Variants in TPM3 observed in about 807,000 individuals in gnomAD.
TPM3 encodes tropomyosin 3.
A neutral mutation model predicts 43.1 loss-of-function variants in TPM3; 16 were observed. The observed-to-expected ratio is 0.37, with a 90% CI of 0.25 to 0.56. TPM3 has a LOEUF of 0.56. Ranked by LOEUF, TPM3 falls within the 20% of genes least tolerant of loss-of-function variation. TPM3 has a pLI of 0.77. For missense variants in TPM3, 176 were observed against 337.2 expected, an observed-to-expected ratio of 0.52 and a Z score of 3.74; for synonymous variants, 101 against 116.9, an observed-to-expected ratio of 0.86 and a Z score of 0.88.
chr1:154,155,926 C>G (rs1321298895), downstream of TPM3: 1 of 196,144 alleles, frequency 5.1e-6, no homozygotes, highest in Non-Finnish European at 1.1e-5. Flanking sequence ...AACATTTGCT[C>G]TATATTAAAT....
At chr1:154,190,204 A>G (rs919674898) in intron 2 of TPM3, among the ~76,000 whole-genome samples, 3 of 152,204 alleles carry the variant, frequency 2.0e-5, no homozygotes, top group African/African-American at 2.4e-5. Flanking sequence ...GGCCTTCCAA[A>G]GTGCTGGGAT....
chr1:154,183,389 G>GGGGGGCCCA (rs1663206288), intron 2 of TPM3: 1 of 1,207,900 alleles, frequency 8.3e-7, no homozygotes, highest in Non-Finnish European at 1.1e-6. Context: ...ACTGGGACGG[G>GGGGGGCCCA]GTTGGGACGA....
chr1:154,172,341 G>A (rs755069093), intron 5 of TPM3: 8 of 685,496 alleles, frequency 1.2e-5, no homozygotes, highest in South Asian at 6.0e-5. Context: ...AGGTACCGAC[G>A]GGAGAGCAGT....
At chr1:154,174,058 C>A (rs551723488) in intron 3 of TPM3, among the ~76,000 whole-genome samples, 4 of 151,734 alleles carry the variant, frequency 2.6e-5, no homozygotes, top group Non-Finnish European at 4.4e-5. Flanking sequence ...TACAGCTGGG[C>A]GTGGTGGCTC....
chr1:154,174,405 T>TATATATATAC (rs1553249385), intron 3 of TPM3, among the ~76,000 whole-genome samples: 12 of 89,524 alleles, frequency 1.3e-4, no homozygotes, highest in Admixed American at 3.6e-4. Context: ...TATATATATA[T>TATATATATAC]ATACACACAA....
downstream of TPM3, among the ~76,000 whole-genome samples, chr1:154,159,991 C>CTTTT (rs60242183): frequency 3.9e-5 from 5 of 129,866 alleles, no homozygotes; most frequent in Admixed American, 7.8e-5. Context: ...AAGTTATTTC[C>CTTTT]TTTTTTTTTT....
chr1:154,191,865 T>C, intron 1 of TPM3, 37 bp downstream of exon 1: 3 of 1,600,776 alleles, frequency 1.9e-6, no homozygotes, highest in Non-Finnish European at 2.6e-6. Flanking sequence ...ACAGTCTTGT[T>C]CACTAGCAGA....
intron 2 of TPM3, 124 bp from the exon 3 acceptor site, chr1:154,176,372 C>T: frequency 7.3e-7 from 1 of 1,361,854 alleles, no homozygotes; most frequent in Non-Finnish European, 1.0e-6. Context: ...TAGAACTTGT[C>T]TTAGCTCAGC....
rs145408715 is a variant in TPM3, at chr1:154,178,498, C to G, written c.244-2250G>C. 3.6e-3 allele frequency among the ~76,000 whole-genome samples: 547 copies of G among 152,292 alleles called. 5 individuals are homozygous for G. Among genetic ancestry groups the G allele is most frequent in the African/African-American group, 0.013 (529 of 41,562 alleles). Reference sequence around the variant, plus strand: ...TTTCTCCTAGCACAGAGGATCAGTTCTCTTTACAATGAAACAAAAGCCTGC... The same window carrying G: ...TTTCTCCTAGCACAGAGGATCAGTTGTCTTTACAATGAAACAAAAGCCTGC... On this transcript the variant is annotated intron_variant, in intron 2 of 9. Transcript: ENST00000651641.
chr1:154,159,916 C>T (rs752603211), downstream of TPM3, among the ~76,000 whole-genome samples: 1 of 148,568 alleles, frequency 6.7e-6, no homozygotes, highest in African/African-American at 2.6e-5. Flanking sequence ...CAACAGGCCA[C>T]AGTTGCTCAT....
chr1:154,158,449 G>A (rs1660022625), downstream of TPM3, among the ~76,000 whole-genome samples: 1 of 152,194 alleles, frequency 6.6e-6, no homozygotes, highest in East Asian at 1.9e-4. Flanking sequence ...CACTCTGACT[G>A]CTCTAAAGAG....
chr1:154,183,285 G>T, intron 2 of TPM3: 2 of 1,508,490 alleles, frequency 1.3e-6, no homozygotes, highest in Admixed American at 2.0e-5. Context: ...CCAGGCAGGC[G>T]GGAAGGCAGT....
intron 8 of TPM3, 72 bp downstream of exon 8, chr1:154,170,328 A>G: frequency 6.5e-7 from 1 of 1,538,578 alleles, no homozygotes; most frequent in Middle Eastern, 1.9e-4. Flanking sequence ...GTGTACAGAA[A>G]AAGAGATTAA....
At chr1:154,160,378 C>T (rs1558026731), downstream of TPM3, among the ~76,000 whole-genome samples, 1 of 152,198 alleles carries the variant, frequency 6.6e-6, no homozygotes, top group Admixed American at 6.5e-5. Context: ...GAGGCTCTCC[C>T]CAGATTGACT....
At chr1:154,174,414 A>ACACACACAC (rs1479898648) in intron 3 of TPM3, among the ~76,000 whole-genome samples, 2 of 135,612 alleles carry the variant, frequency 1.5e-5, no homozygotes, top group Admixed American at 7.5e-5. Flanking sequence ...ATATACACAC[A>ACACACACAC]AAAATCCCAT....
rs1306685493 is a variant in TPM3, at chr1:154,164,635, G to C, written c.*3302C>G. 6.6e-6 allele frequency among the ~76,000 whole-genome samples: 1 copy of C among 152,158 alleles called. No homozygotes were observed. The highest frequency in any genetic ancestry group is 6.5e-5 in the Admixed American group (1 of 15,284). On this transcript the variant is annotated 3_prime_UTR_variant, in exon 10 of 10. Transcript: ENST00000651641. The stretch of plus-strand genomic sequence containing the variant: ...AACCTAACCCAATTTTTTCCAAAGT[G>C]TGGTGTATTCACTGCTATAGTTACT...
chr1:154,181,340 C>A (rs762300824), intron 2 of TPM3, among the ~76,000 whole-genome samples: 4 of 152,140 alleles, frequency 2.6e-5, no homozygotes, highest in Non-Finnish European at 5.9e-5. Context: ...TCCACCCCTC[C>A]CCCTCCCAAA....
chr1:154,178,206 G>C, intron 2 of TPM3: 2 of 985,426 alleles, frequency 2.0e-6, no homozygotes, highest in South Asian at 9.4e-5. Flanking sequence ...AACTGGAGTA[G>C]AAGATAACAG....
chr1:154,180,427 C>T (rs1488841888), intron 2 of TPM3, among the ~76,000 whole-genome samples: 1 of 152,208 alleles, frequency 6.6e-6, no homozygotes, highest in Non-Finnish European at 1.5e-5. Flanking sequence ...GTCTCCTCCT[C>T]AGTAGGGGTT....
Sources: gnomAD v4.1 joint callset for allele counts (sites outside exome capture counted in the v4.1 genomes callset) on GRCh38, gnomAD v4.1.1 for gene constraint, MANE v1.5 for transcripts, NCBI Gene and HGNC (gene_info 2026-07-23, HGNC 2026-07-21) for gene names.